Variants in UIMC1 observed in about 807,000 individuals in gnomAD.
The protein encoded by UIMC1 is ubiquitin interaction motif containing 1.
In UIMC1, 42 loss-of-function variants were observed where a neutral mutation model predicts 84.9. That is an observed-to-expected ratio of 0.49 (90% CI 0.39 to 0.64). UIMC1 has a LOEUF of 0.64. Ranked by LOEUF, UIMC1 falls within the 30% of genes least tolerant of loss-of-function variation. UIMC1 has a pLI of 0.00. For synonymous variants in UIMC1, 281 were observed against 293.0 expected (o/e 0.96, Z 0.42); for missense variants, 825 against 847.6 (o/e 0.97, Z 0.33).
intron 1 of UIMC1, among the ~76,000 whole-genome samples, chr5:176,985,631 G>T (rs1165129863): frequency 1.3e-5 from 2 of 151,680 alleles, no homozygotes; most frequent in African/African-American, 2.4e-5. Flanking sequence ...TTGAGACAAG[G>T]TCTCGCTCTG....
intron 9 of UIMC1, among the ~76,000 whole-genome samples, chr5:176,949,506 G>C (rs10060406): frequency 0.098 from 14,940 of 152,170 alleles, 1,538 homozygotes; most frequent in African/African-American, 0.26. Context: ...TTCCCATTTA[G>C]AAGATTCTGT....
Position 176,975,417 on chromosome 5 carries a change from A to T in UIMC1, c.211T>A (p.Leu71Met). The T allele has an allele frequency of 1.4e-5, 22 of 1,613,864 alleles. No individual in the cohort carries two copies. The highest frequency in any genetic ancestry group is 1.7e-5 in the Non-Finnish European group (20 of 1,179,898). ...KTKQSNRAKC[L>M]AKRKIAQMTE... ...ATACGTGCGATTTTTCTTTTGGCCA[A>T]ACACTTTGCTCTATTCGACTGTTTT... The change falls in exon 3 of 15, where the codon TTG (leucine) becomes ATG (methionine). Residue 71 changes from leucine (L) to methionine (M), a missense_variant. By Grantham distance (15) the Leu-to-Met change is conservative (BLOSUM62 2). Transcript: ENST00000511320.
chr5:176,906,218 G>A (rs1007682520), intron 13 of UIMC1, 171 bp from the exon 14 acceptor site: 1 of 592,484 alleles, frequency 1.7e-6, no homozygotes, highest in Non-Finnish European at 3.0e-6. Flanking sequence ...GTGTCCAACA[G>A]ACTCAGCTGC....
intron 2 of UIMC1, among the ~76,000 whole-genome samples, chr5:176,979,748 CAT>C (rs1035698181): frequency 5.9e-5 from 9 of 152,186 alleles, no homozygotes; most frequent in African/African-American, 2.2e-4. Context: ...GTATGCATAA[CAT>C]ATATGACGTA....
Sources: gnomAD v4.1 joint callset for allele counts (sites outside exome capture counted in the v4.1 genomes callset) on GRCh38, gnomAD v4.1.1 for gene constraint, MANE v1.5 for transcripts, NCBI Gene and HGNC (gene_info 2026-07-23, HGNC 2026-07-21) for gene names.